Variants in HYCC2 observed in about 807,000 individuals in gnomAD.
The protein encoded by HYCC2 is hyccin 2.
the HYCC2 span, among the ~76,000 whole-genome samples, chr2:201,001,190 C>T: frequency 6.6e-6 from 1 of 150,948 alleles, no homozygotes; most frequent in East Asian, 1.9e-4. Flanking sequence ...TAGGTCATGA[C>T]AGCTCTGCCC....
At chr2:201,066,826 C>T in the HYCC2 span, 7 of 154,540 alleles carry the variant, frequency 4.5e-5, no homozygotes, top group African/African-American at 1.2e-4. Context: ...CAAACACATA[C>T]ACAAAAAAAG....
chr2:200,985,657 G>A, the HYCC2 span, among the ~76,000 whole-genome samples: 1 of 152,064 alleles, frequency 6.6e-6, no homozygotes, highest in East Asian at 1.9e-4. Context: ...GTGAGATCCT[G>A]CCTCAAAAAA....
chr2:201,005,879 C>T, the HYCC2 span, among the ~76,000 whole-genome samples: 1 of 152,106 alleles, frequency 6.6e-6, no homozygotes, highest in Non-Finnish European at 1.5e-5. Context: ...GTCGCCAAGG[C>T]TGGAGTGCAA....
the HYCC2 span, chr2:201,022,883 T>C: frequency 6.2e-7 from 1 of 1,613,880 alleles, no homozygotes. Context: ...AAGTGTTTTT[T>C]TCCGGTGTAA....
At chr2:201,070,574 C>T in the HYCC2 span, among the ~76,000 whole-genome samples, 2 of 152,234 alleles carry the variant, frequency 1.3e-5, no homozygotes, top group African/African-American at 4.8e-5. Context: ...ATGGCTTGAA[C>T]CCGGGAGGCG....
At chr2:200,994,268 G>A in the HYCC2 span, among the ~76,000 whole-genome samples, 4 of 151,350 alleles carry the variant, frequency 2.6e-5, no homozygotes, top group African/African-American at 4.9e-5. Context: ...ACGGAGTCTC[G>A]CTCTGCCGCG....
At chr2:201,065,398 A>G in the HYCC2 span, among the ~76,000 whole-genome samples, 1 of 152,238 alleles carries the variant, frequency 6.6e-6, no homozygotes, top group Non-Finnish European at 1.5e-5. Flanking sequence ...AGATGCTATG[A>G]GAATTCACAC....
chr2:201,023,958 C>T, the HYCC2 span: 1 of 1,610,362 alleles, frequency 6.2e-7, no homozygotes, highest in Non-Finnish European at 8.5e-7. Context: ...ATCCAATTTA[C>T]CTTGAATTCT....
At chr2:201,014,175 A>G in the HYCC2 span, among the ~76,000 whole-genome samples, 1 of 152,242 alleles carries the variant, frequency 6.6e-6, no homozygotes, top group Non-Finnish European at 1.5e-5. Context: ...TGTTTGTTTC[A>G]TGTGTCCCAT....
chr2:201,063,223 A>C, the HYCC2 span: 22 of 1,603,060 alleles, frequency 1.4e-5, no homozygotes, highest in South Asian at 2.3e-4. Flanking sequence ...ACTGTGTGGT[A>C]ATGAGAGATC....
At chr2:200,995,439 A>T in the HYCC2 span, among the ~76,000 whole-genome samples, 2 of 152,164 alleles carry the variant, frequency 1.3e-5, no homozygotes, top group African/African-American at 4.8e-5. Flanking sequence ...CTTGCTTCTA[A>T]CCAGCAGAAT....
the HYCC2 span, chr2:201,022,670 C>CA: frequency 2.2e-6 from 1 of 455,850 alleles, no homozygotes; most frequent in South Asian, 4.3e-5. Flanking sequence ...TATGGAAAGG[C>CA]AGGGAATAGG....
chr2:201,044,656 G>C, the HYCC2 span, among the ~76,000 whole-genome samples: 1 of 152,240 alleles, frequency 6.6e-6, no homozygotes, highest in Non-Finnish European at 1.5e-5. Context: ...ACACACGTAA[G>C]GTCTTACTTA....
the HYCC2 span, among the ~76,000 whole-genome samples, chr2:201,002,754 A>C: frequency 6.6e-6 from 1 of 152,028 alleles, no homozygotes; most frequent in African/African-American, 2.4e-5. Flanking sequence ...CGAACTCCTA[A>C]CTTCGTGATC....
the HYCC2 span, among the ~76,000 whole-genome samples, chr2:201,043,602 A>C: frequency 6.7e-6 from 1 of 148,710 alleles, no homozygotes; most frequent in South Asian, 2.1e-4. Context: ...TCCGTCTCCC[A>C]GGTTCACGCC....
At chr2:201,071,070 C>T in the HYCC2 span, among the ~76,000 whole-genome samples, 1 of 152,178 alleles carries the variant, frequency 6.6e-6, no homozygotes, top group Non-Finnish European at 1.5e-5. Context: ...ACCTCCTCTC[C>T]CAGGAGGGAC....
the HYCC2 span, chr2:201,022,539 T>A: frequency 4.1e-6 from 1 of 243,608 alleles, no homozygotes; most frequent in Admixed American, 5.3e-5. Context: ...CAGGAAACAT[T>A]CCAGAACAGG....
At chr2:201,026,589 A>G in the HYCC2 span, among the ~76,000 whole-genome samples, 2 of 152,246 alleles carry the variant, frequency 1.3e-5, no homozygotes, top group Admixed American at 1.3e-4. Context: ...GCAAATGTAA[A>G]AGAACAGAAA....
chr2:201,008,906 T>C, the HYCC2 span: 2 of 962,370 alleles, frequency 2.1e-6, no homozygotes, highest in Non-Finnish European at 3.3e-6. Context: ...CTGTCATTCA[T>C]TCATTCATAT....
Sources: allele counts gnomAD v4.1 joint callset (sites outside exome capture counted in the v4.1 genomes callset), GRCh38; gene constraint gnomAD v4.1.1; transcripts MANE v1.5; gene names NCBI Gene and HGNC (gene_info 2026-07-23, HGNC 2026-07-21).